Variants in ACSM3 observed in about 807,000 individuals in gnomAD.
ACSM3 encodes the protein acyl-CoA synthetase medium chain family member 3.
In ACSM3, 61 loss-of-function variants were observed where a neutral mutation model predicts 74.1. The ratio of observed to expected loss-of-function variants is 0.82; its 90% confidence interval spans 0.67 to 1.02. The LOEUF is 1.02. Ranked by LOEUF, ACSM3 falls within the 50% of genes least tolerant of loss-of-function variation. The pLI is 0.00. For synonymous variants in ACSM3, 213 were observed against 241.5 expected (o/e 0.88, Z 1.09); for missense variants, 660 against 697.0 (o/e 0.95, Z 0.60).
At chr16:20,754,915 A>G (rs999773672) in intron 2 of ACSM3, among the ~76,000 whole-genome samples, 7 of 152,168 alleles carry the variant, frequency 4.6e-5, no homozygotes, top group African/African-American at 1.7e-4. Flanking sequence ...GAAGGCATGA[A>G]GGAGGTGTGC....
At chr16:20,718,749 G>C (rs2079774562) in intron 1 of ACSM3, among the ~76,000 whole-genome samples, 1 of 152,040 alleles carries the variant, frequency 6.6e-6, no homozygotes, top group Non-Finnish European at 1.5e-5. Context: ...TCATTGCTAG[G>C]TAAATTTACC....
At chr16:20,686,620 C>T (rs974700752) in intron 1 of ACSM3, among the ~76,000 whole-genome samples, 3 of 151,864 alleles carry the variant, frequency 2.0e-5, no homozygotes, top group Non-Finnish European at 4.4e-5. Context: ...ACTTGTATCC[C>T]GGAACTTAAA....
chr16:20,694,847 T>C (rs1042235600), intron 1 of ACSM3, among the ~76,000 whole-genome samples: 2 of 152,146 alleles, frequency 1.3e-5, no homozygotes, highest in Non-Finnish European at 2.9e-5. Flanking sequence ...ATATGACTGG[T>C]GTCCTTATAA....
chr16:20,786,697 T>C (rs899820878), intron 9 of ACSM3, among the ~76,000 whole-genome samples: 2 of 152,018 alleles, frequency 1.3e-5, no homozygotes, highest in Non-Finnish European at 1.5e-5. Flanking sequence ...TAAATAAATA[T>C]TAACCCATTG....
rs1365247121 is a variant in ACSM3 at position 20,675,200 on chromosome 16, C to T, written c.-190+378C>T. Among the ~76,000 whole-genome samples, 3 of 152,028 alleles carry T rather than the reference C, an allele frequency of 2.0e-5. No individual in the cohort carries two copies. In the East Asian group the frequency reaches 5.8e-4, roughly 29 times the overall value. ...GTGTGAATGTGGGAATCTAACTAGG[C>T]TCACCCGGGACACGAGAGAGGGTTG... On this transcript the variant is annotated intron_variant, in intron 1 of 3. Coordinates refer to the ACSM3 transcript ENST00000561584.
chr16:20,738,400 C>G, intron 1 of ACSM3: 2 of 319,316 alleles, frequency 6.3e-6, no homozygotes, highest in South Asian at 5.5e-5. Flanking sequence ...ATCTCAGACC[C>G]AAGAGGAATC....
At chr16:20,736,826 C>A in intron 1 of ACSM3, 2 of 1,561,008 alleles carry the variant, frequency 1.3e-6, no homozygotes, top group South Asian at 2.3e-5. Flanking sequence ...GGAGCCCCAG[C>A]AACATCTCGT....
At chr16:20,757,288 G>A (rs1485146516) in intron 3 of ACSM3, among the ~76,000 whole-genome samples, 1 of 150,852 alleles carries the variant, frequency 6.6e-6, no homozygotes, top group Non-Finnish European at 1.5e-5. Context: ...TCTTCCATTT[G>A]TTTGTATCCT....
rs991908826 is a variant in ACSM3, at chr16:20,754,940, T to C, written c.-95-633T>C. ...AGGAGGTGTGCTTAAGTCAATGGACTTAAGATTTTAGAGGGGCAGAGGAAT... is the reference window on the plus strand; with the variant it reads ...AGGAGGTGTGCTTAAGTCAATGGACCTAAGATTTTAGAGGGGCAGAGGAAT... On this transcript the variant is annotated intron_variant, in intron 2 of 3. Coordinates refer to the ACSM3 transcript ENST00000561584. Among the ~76,000 whole-genome samples, 5 of 152,228 alleles carry C rather than the reference T, an allele frequency of 3.3e-5. No homozygotes were observed. The South Asian group carries it at 1.0e-3, about 32-fold the overall frequency.
chr16:20,736,700 G>A (rs566254691), intron 1 of ACSM3: 12 of 641,612 alleles, frequency 1.9e-5, no homozygotes, highest in African/African-American at 1.1e-4. Flanking sequence ...ATACCATAAA[G>A]GCTGAAAGAT....
At chr16:20,686,042 T>C (rs1357434124) in intron 1 of ACSM3, among the ~76,000 whole-genome samples, 1 of 151,890 alleles carries the variant, frequency 6.6e-6, no homozygotes. Context: ...TAGTTTCTCC[T>C]CAATAAAATG....
chr16:20,774,530 T>TG (rs2080232401), intron 2 of ACSM3, among the ~76,000 whole-genome samples: 1 of 152,234 alleles, frequency 6.6e-6, no homozygotes, highest in African/African-American at 2.4e-5. Context: ...CATGAGCCAC[T>TG]GCGCCTGGCC....
At chr16:20,780,448 G>A (rs2080327461) in intron 4 of ACSM3, 1 of 634,058 alleles carries the variant, frequency 1.6e-6, no homozygotes, top group Non-Finnish European at 2.6e-6. Flanking sequence ...TTTTAAAAAT[G>A]CTTCAATCCT....
intron 2 of ACSM3, among the ~76,000 whole-genome samples, chr16:20,751,267 G>A (rs2079987359): frequency 6.6e-6 from 1 of 152,184 alleles, no homozygotes; most frequent in African/African-American, 2.4e-5. Flanking sequence ...AAATGTACAT[G>A]AAACAGAATT....
At chr16:20,747,684 A>G (rs1470757405) in intron 1 of ACSM3, among the ~76,000 whole-genome samples, 1 of 152,252 alleles carries the variant, frequency 6.6e-6, no homozygotes, top group East Asian at 1.9e-4. Flanking sequence ...GCTCCAAAGA[A>G]TGAATCACCA....
intron 1 of ACSM3, chr16:20,737,618 G>T: frequency 7.6e-7 from 1 of 1,318,152 alleles, no homozygotes; most frequent in Non-Finnish European, 1.0e-6. Context: ...ACTCAAAAAT[G>T]TAAGCCTTAA....
At chr16:20,789,676 CTATTT>C (rs2080551268) in intron 9 of ACSM3, 1 of 548,616 alleles carries the variant, frequency 1.8e-6, no homozygotes, top group African/African-American at 2.0e-5. Flanking sequence ...TAAAGCAACT[CTATTT>C]TTCTTTTTTT....
rs528646977 is a variant in ACSM3 at position 20,740,465 on chromosome 16, C to T, written c.-189-9445C>T. Among the ~76,000 whole-genome samples the T allele has an allele frequency of 1.6e-4, 24 of 152,330 alleles. 1 individual carries two copies. Among genetic ancestry groups the T allele is most frequent in the Admixed American group, 9.8e-4 (15 of 15,300 alleles). On this transcript the variant is annotated intron_variant, in intron 1 of 3. Transcript: ENST00000561584. ...TGTGCTTGTTGCCCAGCTCTCTGCC[C>T]CCTAGTGCCCAACGAAATTGCCAGT...
intron 1 of ACSM3, among the ~76,000 whole-genome samples, chr16:20,769,765 A>G (rs1356725885): frequency 6.6e-6 from 1 of 152,220 alleles, no homozygotes; most frequent in Non-Finnish European, 1.5e-5. Flanking sequence ...CTCAATCTGT[A>G]AACAGAGATG....
Sources: allele counts gnomAD v4.1 joint callset (sites outside exome capture counted in the v4.1 genomes callset), GRCh38; gene constraint gnomAD v4.1.1; transcripts MANE v1.5; gene names NCBI Gene and HGNC (gene_info 2026-07-23, HGNC 2026-07-21).